STRIP2: variants seen among roughly 807,000 people sequenced by gnomAD.
The protein encoded by STRIP2 is striatin interacting protein 2.
A neutral mutation model predicts 107.1 loss-of-function variants in STRIP2; 84 were observed. The observed-to-expected ratio is 0.78, with a 90% confidence interval of 0.66 to 0.94. The LOEUF (loss-of-function observed/expected upper bound fraction) is 0.94. Among genes scored for constraint, STRIP2 ranks in the 40% least tolerant of loss-of-function variants. The probability of loss-of-function intolerance (pLI) is 0.00; values close to 1 mark genes in which losing one functional copy is unlikely to be tolerated. For synonymous variants in STRIP2, 394 were observed against 400.4 expected (o/e 0.98, Z 0.19); for missense variants, 888 against 1,034.2 (o/e 0.86, Z 1.94).
intron 18 of STRIP2, among the ~76,000 whole-genome samples, chr7:129,472,403 A>G (rs1798808744): frequency 6.6e-6 from 1 of 152,232 alleles, no homozygotes; most frequent in South Asian, 2.1e-4. Context: ...GAACATAATA[A>G]TTTATTATGT....
chr7:129,479,178 G>T (rs997147822), intron 18 of STRIP2, among the ~76,000 whole-genome samples: 5 of 151,730 alleles, frequency 3.3e-5, no homozygotes, highest in Non-Finnish European at 5.9e-5. Flanking sequence ...GGAGACTGAG[G>T]CAGGAGAATT....
chr7:129,485,859 TAGAGG>T lies in STRIP2; in HGVS notation c.*31_*35del, dbSNP rs1799235131. On this transcript the variant is annotated 3_prime_UTR_variant, in exon 21 of 21. Coordinates refer to ENST00000249344, the MANE Select transcript of STRIP2 (RefSeq NM_020704.3). The stretch of plus-strand genomic sequence containing the variant: ...GTTCTTGTCAACAAGCATCAATAGA[TAGAGG>T]TCAGCTCCAATAAACTGTGCTCTGC... 2 of 1,611,518 alleles carry T rather than the reference TAGAGG, an allele frequency of 1.2e-6. No homozygotes were observed. The highest frequency in any genetic ancestry group is 2.2e-5 in the South Asian group (2 of 90,968).
Position 129,483,053 on chromosome 7 carries a change from C to G in STRIP2, c.2254+7C>G, listed in dbSNP as rs769485899. 2.6e-5 allele frequency: 42 copies of G among 1,613,072 alleles called. No individual in the cohort carries two copies. The highest frequency in any genetic ancestry group is 3.4e-5 in the Non-Finnish European group (40 of 1,179,220). ...GACTGGGCTTACGGGAATGGTGAGT[C>G]TTCCCAAAGCTCTTGACTTCCTGGA... On this transcript the variant is annotated splice_region_variant and intron_variant, in intron 20 of 20. Transcript: ENST00000249344. The surrounding 1 kb of genome is among the most constrained non-coding windows in gnomAD (Gnocchi z 5.1).
At chr7:129,477,058 G>A (rs1407909698) in intron 18 of STRIP2, among the ~76,000 whole-genome samples, 2 of 151,538 alleles carry the variant, frequency 1.3e-5, no homozygotes, top group East Asian at 3.9e-4. Flanking sequence ...GCCTGCAATC[G>A]CAGGCACTCG....
chr7:129,468,388 G>A (rs1039260344), intron 17 of STRIP2, among the ~76,000 whole-genome samples: 2 of 152,138 alleles, frequency 1.3e-5, no homozygotes, highest in Non-Finnish European at 1.5e-5. Flanking sequence ...ACCTGGATTC[G>A]TGACCTGGAT....
At chr7:129,435,303 A>G (rs1004270777) in intron 1 of STRIP2, among the ~76,000 whole-genome samples, 4 of 152,298 alleles carry the variant, frequency 2.6e-5, no homozygotes, top group Middle Eastern at 3.4e-3. Context: ...AAGAAACCCT[A>G]TCTATGAAGA....
rs530614264 is a variant in STRIP2, at chr7:129,454,208, C to T, written c.597C>T (p.Leu199=). 28 of 1,614,072 alleles carry T rather than the reference C, an allele frequency of 1.7e-5. No individual in the cohort carries two copies. The South Asian group carries it at 2.7e-4, about 16-fold the overall frequency. The change falls in exon 6 of 21, where the codon CTC becomes CTT. Residue 199 remains leucine, a splice_region_variant and synonymous_variant. Coordinates refer to ENST00000249344, the MANE Select transcript of STRIP2 (RefSeq NM_020704.3). The stretch of plus-strand genomic sequence containing the variant: ...TCTCCATAGCTGATAGCACAGAGCT[C>T]AGGTGAGTGGGGCTAACTATGGGCT... The part of the protein sequence containing the change: ...PAVSIADSTE[L]RVLLSVMYLM...
chr7:129,456,057 A>G (rs1798338863), intron 8 of STRIP2, among the ~76,000 whole-genome samples: 1 of 152,084 alleles, frequency 6.6e-6, no homozygotes. Flanking sequence ...AATAGGGGGA[A>G]CTGCCTCTTG....
chr7:129,468,844 T>C (rs79514399), intron 17 of STRIP2, among the ~76,000 whole-genome samples: 1,539 of 152,294 alleles, frequency 0.01, 33 homozygotes, highest in African/African-American at 0.036. Flanking sequence ...AATGCAGCTC[T>C]GGACCTCAGG....
At chr7:129,470,218 TGA>T (rs1236045395) in intron 17 of STRIP2, among the ~76,000 whole-genome samples, 1 of 152,142 alleles carries the variant, frequency 6.6e-6, no homozygotes, top group Non-Finnish European at 1.5e-5. Flanking sequence ...AAAGATCTGG[TGA>T]GAGACACAGG....
At chr7:129,475,395 G>A (rs712691) in intron 18 of STRIP2, among the ~76,000 whole-genome samples, 45,447 of 150,480 alleles carry the variant, frequency 0.3, 7,091 homozygotes, top group African/African-American at 0.4. Flanking sequence ...CGCAGAGGGG[G>A]ATTTGGCAGG....
chr7:129,443,990 C>A (rs371441882), intron 2 of STRIP2, 34 bp from the exon 3 acceptor site: 2 of 1,562,882 alleles, frequency 1.3e-6, no homozygotes, highest in South Asian at 1.1e-5. Context: ...TTAAGGATCT[C>A]CCGAATGTGA....
Position 129,458,598 on chromosome 7 carries a change from T to C in STRIP2, c.1275-114T>C, listed in dbSNP as rs691124. On this transcript the variant is annotated intron_variant, in intron 10 of 20. Coordinates refer to ENST00000249344, the MANE Select transcript of STRIP2 (RefSeq NM_020704.3). The surrounding 1 kb of genome is among the most constrained non-coding windows in gnomAD (Gnocchi z 4.6). ...GAAATTCCTTCTGTTGATTGCTGCC[T>C]TTTTCCACTGCTCCAGTCCTCTGAT... is the stretch of plus-strand genomic sequence containing the variant. 0.27 allele frequency: 360,551 copies of C among 1,325,344 alleles called. 50,337 individuals are homozygous for C. The highest frequency in any genetic ancestry group is 0.41 in the African/African-American group (28,317 of 68,742). 82.1% of individuals were successfully genotyped at this position (1,325,344 alleles called of 1,614,324 possible).
In STRIP2 at chr7:129,476,773, G is replaced by A. The variant is rs371969910; in HGVS notation, c.1945-4012G>A. Among the ~76,000 whole-genome samples the A allele has an allele frequency of 1.7e-3, 256 of 152,278 alleles. 8 individuals are homozygous for A. In the East Asian group the frequency reaches 0.045, roughly 27 times the overall value. ...ACGCTCTTCACTTCCCAGACGGGGT[G>A]GCGGCCGGGCAGAGGCTGCAATCTC... is the stretch of plus-strand genomic sequence containing the variant. On this transcript the variant is annotated intron_variant, in intron 18 of 20. Transcript: ENST00000249344.
At chr7:129,477,657 T>G (rs1204972199) in intron 18 of STRIP2, among the ~76,000 whole-genome samples, 1 of 152,246 alleles carries the variant, frequency 6.6e-6, no homozygotes, top group East Asian at 1.9e-4. Context: ...TCCAGATCTA[T>G]GTCCTTAATC....
rs780542731 is a variant in STRIP2, at chr7:129,458,364, T to A, written c.1188T>A (p.Pro396=). ...AGCTAGACCTGCTAGAGCAGGACCC[T>A]CTGGTGCCACCTCCACCCTCACAGG... ...DGELDLLEQD[P]LVPPPPSQAP... is the part of the protein sequence containing the mutation. The change falls in exon 10 of 21, where the codon CCT becomes CCA. Residue 396 remains proline, a synonymous_variant. Transcript: ENST00000249344. This position sits in a 1 kb window ranked among gnomAD's most constrained non-coding sequence, Gnocchi z 4.6. 7 of 1,614,030 alleles carry A rather than the reference T, an allele frequency of 4.3e-6. No homozygotes were observed. The highest frequency in any genetic ancestry group is 5.1e-6 in the Non-Finnish European group (6 of 1,179,974).
At chr7:129,439,277 A>C (rs941507975) in intron 1 of STRIP2, among the ~76,000 whole-genome samples, 6 of 152,210 alleles carry the variant, frequency 3.9e-5, no homozygotes, top group African/African-American at 1.4e-4. Context: ...GGCAAAGAAC[A>C]GTATATTTTT....
At position 129,456,616 on chromosome 7, in the gene STRIP2, C is replaced by A; in HGVS notation, c.1012C>A (p.Leu338Met). The A allele has an allele frequency of 6.2e-7, 1 of 1,614,088 alleles. No individual in the cohort carries two copies. The highest frequency in any genetic ancestry group is 8.5e-7 in the Non-Finnish European group (1 of 1,180,028). The change falls in exon 9 of 21, where the codon CTG becomes ATG. Residue 338 changes from leucine (L) to methionine (M), a missense_variant. By Grantham distance (15) the Leu-to-Met change is conservative (BLOSUM62 2). Transcript: ENST00000249344. ...TCAGCTGGCACCCCCACCCTCCAAG[C>A]TGCGAGGCCGCCGTGGCTCTCGAAG... Reference protein sequence around the residue: ...ESQLAPPPSKLRGRRGSRRQL... With the variant: ...ESQLAPPPSKMRGRRGSRRQL...
intron 18 of STRIP2, 88 bp from the exon 19 acceptor site, chr7:129,480,697 C>A: frequency 9.0e-7 from 1 of 1,111,184 alleles, no homozygotes; most frequent in South Asian, 1.5e-5. Context: ...GAAGGCCTCA[C>A]CTAAACTGAC....
Sources: allele counts gnomAD v4.1 joint callset (sites outside exome capture counted in the v4.1 genomes callset), GRCh38; gene constraint gnomAD v4.1.1; non-coding constraint Gnocchi (gnomAD v3.1); transcripts MANE v1.5; gene names NCBI Gene and HGNC (gene_info 2026-07-23, HGNC 2026-07-21).